Variants in TDRD3 observed in about 807,000 individuals in gnomAD.
TDRD3 encodes tudor domain-containing protein 3.
In TDRD3, 45 loss-of-function variants were observed where a neutral mutation model predicts 86.7. The ratio of observed to expected loss-of-function variants is 0.52; its 90% CI spans 0.41 to 0.67. The LOEUF (loss-of-function observed/expected upper bound fraction) is 0.67. Ranked by LOEUF, TDRD3 falls within the 30% of genes least tolerant of loss-of-function variation. The pLI is 0.00. For missense variants in TDRD3, 814 were observed against 889.0 expected (o/e 0.92, Z 1.07); for synonymous variants, 298 against 301.7 (o/e 0.99, Z 0.13).
At chr13:60,397,889 A>G (rs1196176405) in intron 1 of TDRD3, among the ~76,000 whole-genome samples, 4 of 152,138 alleles carry the variant, frequency 2.6e-5, no homozygotes, top group South Asian at 4.1e-4. Flanking sequence ...AGCAGAGCAC[A>G]GCCCGCGCTG....
chr13:60,517,443 C>G (rs1445883472), intron 10 of TDRD3, among the ~76,000 whole-genome samples: 1 of 152,196 alleles, frequency 6.6e-6, no homozygotes, highest in African/African-American at 2.4e-5. Context: ...TTGCATCAAA[C>G]AGCATTACTA....
At chr13:60,451,962 G>A (rs1955556259) in intron 3 of TDRD3, among the ~76,000 whole-genome samples, 1 of 152,136 alleles carries the variant, frequency 6.6e-6, no homozygotes, top group South Asian at 2.1e-4. Context: ...TATATGATAT[G>A]ATATTACCAG....
At chr13:60,432,329 C>G (rs898487596) in intron 1 of TDRD3, among the ~76,000 whole-genome samples, 3 of 152,084 alleles carry the variant, frequency 2.0e-5, no homozygotes, top group Admixed American at 2.0e-4. Context: ...TTATTTTTAA[C>G]AGGTTATCTG....
chr13:60,455,742 T>G (rs574473762), intron 3 of TDRD3, among the ~76,000 whole-genome samples: 1 of 152,062 alleles, frequency 6.6e-6, no homozygotes, highest in African/African-American at 2.4e-5. Context: ...GTATACAGAT[T>G]GAGAAATTTC....
chr13:60,431,735 A>G (rs1400317176), intron 1 of TDRD3, among the ~76,000 whole-genome samples: 1 of 150,850 alleles, frequency 6.6e-6, no homozygotes, highest in Non-Finnish European at 1.5e-5. Context: ...GGTGGAACTA[A>G]TGTATATTTA....
At chr13:60,469,230 G>T (rs1956020547) in intron 5 of TDRD3, among the ~76,000 whole-genome samples, 1 of 152,062 alleles carries the variant, frequency 6.6e-6, no homozygotes, top group South Asian at 2.1e-4. Context: ...GAATTTCCTG[G>T]AGAAACTACC....
intron 5 of TDRD3, among the ~76,000 whole-genome samples, chr13:60,467,876 C>T (rs77919602): frequency 0.019 from 2,956 of 152,204 alleles, 94 homozygotes; most frequent in African/African-American, 0.068. Context: ...TGTAGGTTAT[C>T]TTGTAATTGT....
intron 3 of TDRD3, 55 bp from the exon 4 acceptor site, chr13:60,460,325 C>T (rs111847758): frequency 2.1e-6 from 3 of 1,459,774 alleles, no homozygotes; most frequent in East Asian, 5.3e-5. Flanking sequence ...AAAACACAGC[C>T]CTGAATAGAG....
intron 12 of TDRD3, among the ~76,000 whole-genome samples, chr13:60,566,202 G>A (rs995409843): frequency 6.6e-6 from 1 of 151,306 alleles, no homozygotes; most frequent in African/African-American, 2.4e-5. Flanking sequence ...GAAGTATTAG[G>A]GCAAAGTCAC....
intron 11 of TDRD3, among the ~76,000 whole-genome samples, chr13:60,532,038 C>A (rs1216237385): frequency 6.6e-6 from 1 of 151,998 alleles, no homozygotes; most frequent in Non-Finnish European, 1.5e-5. Flanking sequence ...CCTCCAAATA[C>A]CTGTTACAAT....
chr13:60,412,321 C>G (rs1470985571), intron 1 of TDRD3, among the ~76,000 whole-genome samples: 1 of 152,088 alleles, frequency 6.6e-6, no homozygotes, highest in Non-Finnish European at 1.5e-5. Context: ...AAATGAGGCT[C>G]TATTTTTTTG....
At chr13:60,494,237 G>T in intron 7 of TDRD3, among the ~76,000 whole-genome samples, 198 bp from the exon 8 acceptor site, 1 of 151,960 alleles carries the variant, frequency 6.6e-6, no homozygotes, top group East Asian at 1.9e-4. Context: ...TTATTGCCTG[G>T]CCTGGATTTG....
At chr13:60,488,970 A>G (rs1326133280) in intron 7 of TDRD3, among the ~76,000 whole-genome samples, 1 of 152,052 alleles carries the variant, frequency 6.6e-6, no homozygotes, top group Non-Finnish European at 1.5e-5. Flanking sequence ...TGTCAGATGG[A>G]TAGTTTGCAA....
intron 12 of TDRD3, among the ~76,000 whole-genome samples, chr13:60,550,893 A>G (rs1958034434): frequency 6.6e-6 from 1 of 152,168 alleles, no homozygotes; most frequent in South Asian, 2.1e-4. Flanking sequence ...ACATTATTCT[A>G]AGCTCTTTTA....
At chr13:60,518,618 G>A (rs986388020) in intron 10 of TDRD3, among the ~76,000 whole-genome samples, 1 of 152,098 alleles carries the variant, frequency 6.6e-6, no homozygotes, top group Non-Finnish European at 1.5e-5. Flanking sequence ...CATGTAAAAA[G>A]GTAGTTAATA....
At chr13:60,477,254 A>G (rs976870879) in intron 5 of TDRD3, among the ~76,000 whole-genome samples, 9 of 151,430 alleles carry the variant, frequency 5.9e-5, no homozygotes, top group African/African-American at 2.2e-4. Context: ...TTGCTCTGTC[A>G]CACAGGCTGA....
chr13:60,405,501 TG>T (rs1359060021), intron 1 of TDRD3, among the ~76,000 whole-genome samples: 1 of 152,096 alleles, frequency 6.6e-6, no homozygotes, highest in Admixed American at 6.5e-5. Flanking sequence ...GTTTTCATGG[TG>T]GTCAGAGAAT....
At chr13:60,500,956 A>G in intron 8 of TDRD3, among the ~76,000 whole-genome samples, 1 of 152,138 alleles carries the variant, frequency 6.6e-6, no homozygotes, top group East Asian at 1.9e-4. Context: ...CAAAGTGGCC[A>G]TGGTGGGAGG....
intron 8 of TDRD3, among the ~76,000 whole-genome samples, chr13:60,499,871 C>G (rs1282592049): frequency 2.0e-5 from 3 of 152,186 alleles, no homozygotes; most frequent in African/African-American, 7.2e-5. Flanking sequence ...GCGGATTTAT[C>G]AAGTGACCCA....
Sources: gnomAD v4.1 joint callset for allele counts (sites outside exome capture counted in the v4.1 genomes callset) on GRCh38, gnomAD v4.1.1 for gene constraint, MANE v1.5 for transcripts, NCBI Gene and HGNC (gene_info 2026-07-23, HGNC 2026-07-21) for gene names.